ZCCHC7: variants seen among roughly 807,000 people sequenced by gnomAD.
ZCCHC7 encodes the protein zinc finger CCHC domain-containing protein 7.
Under a neutral mutation model 52.0 loss-of-function variants are expected in ZCCHC7, and 35 were observed. The observed-to-expected ratio is 0.67, with a 90% confidence interval of 0.51 to 0.89. The LOEUF is 0.89. Among genes scored for constraint, ZCCHC7 ranks in the 40% least tolerant of loss-of-function variants. The pLI is 0.00. For synonymous variants in ZCCHC7, 217 were observed against 221.5 expected, an observed-to-expected ratio of 0.98 and a Z score of 0.18; for missense variants, 574 against 649.1, an observed-to-expected ratio of 0.88 and a Z score of 1.26.
rs34360630 is a variant in ZCCHC7, at chr9:37,352,682, A to ATTT, written c.1084-2015_1084-2013dup. Among the ~76,000 whole-genome samples the ATTT allele has an allele frequency of 5.8e-5, 8 of 136,762 alleles. No individual in the cohort carries two copies. In the South Asian group the frequency reaches 1.6e-3, roughly 28 times the overall value. The allele number at this position is 136,762 out of a possible 152,430, so 89.7% of individuals were successfully genotyped here. A position where few individuals can be genotyped will look rare whatever the true frequency, so the allele number is the denominator to read the frequency against. On this transcript the variant is annotated intron_variant, in intron 7 of 8. Coordinates refer to ENST00000336755, the MANE Select transcript of ZCCHC7 (RefSeq NM_032226.3). ...CAGGCATGTGCCACCACACCTGGCT[A>ATTT]TTTTTTTTTTTTTTTGTATTTTTAG...
Position 37,151,404 on chromosome 9 carries a change from C to T in ZCCHC7, c.610+24462C>T, listed in dbSNP as rs185664887. On this transcript the variant is annotated intron_variant, in intron 2 of 8. Transcript: ENST00000336755. ...TTCATTTTACTTTGAGTTTTTTAGA[C>T]ATTAAAGCTGACACTGGAAAGGGTA... Among the ~76,000 whole-genome samples, 294 of 152,296 alleles carry T rather than the reference C, an allele frequency of 1.9e-3. 1 individual carries two copies. Among genetic ancestry groups the T allele is most frequent in the African/African-American group, 6.8e-3 (284 of 41,560 alleles).
chr9:37,230,809 A>G (rs1388091705), intron 2 of ZCCHC7, among the ~76,000 whole-genome samples: 1 of 152,076 alleles, frequency 6.6e-6, no homozygotes, highest in East Asian at 1.9e-4. Flanking sequence ...TTTTAATTAC[A>G]TAGTTGTGAT....
chr9:37,236,803 A>G (rs955888574), intron 2 of ZCCHC7, among the ~76,000 whole-genome samples: 1 of 152,156 alleles, frequency 6.6e-6, no homozygotes, highest in Non-Finnish European at 1.5e-5. Context: ...GGAAGGATGA[A>G]AAGCTAAGTT....
chr9:37,231,758 C>T (rs1588520543), intron 2 of ZCCHC7, among the ~76,000 whole-genome samples: 1 of 152,244 alleles, frequency 6.6e-6, no homozygotes, highest in African/African-American at 2.4e-5. Flanking sequence ...GCACATTTCA[C>T]CTACCCCAAG....
intron 2 of ZCCHC7, among the ~76,000 whole-genome samples, chr9:37,181,688 A>T (rs1490414098): frequency 6.6e-6 from 1 of 152,206 alleles, no homozygotes; most frequent in Non-Finnish European, 1.5e-5. Flanking sequence ...CAGGAAGTAG[A>T]TTAGTAGCTG....
chr9:37,158,883 C>T (rs924502078), intron 2 of ZCCHC7, among the ~76,000 whole-genome samples: 1 of 152,176 alleles, frequency 6.6e-6, no homozygotes, highest in African/African-American at 2.4e-5. Context: ...ATTTTTCTCT[C>T]TGTAGCATAT....
intron 2 of ZCCHC7, among the ~76,000 whole-genome samples, chr9:37,278,077 C>G (rs1387611635): frequency 1.3e-5 from 1 of 78,518 alleles, no homozygotes; most frequent in African/African-American, 4.5e-5. Flanking sequence ...AGGCAGGAGT[C>G]TCACTGTGTC....
At chr9:37,325,249 TTG>T (rs1017684507) in intron 5 of ZCCHC7, among the ~76,000 whole-genome samples, 3 of 152,202 alleles carry the variant, frequency 2.0e-5, no homozygotes, top group African/African-American at 7.2e-5. Context: ...ATGTTTTCAG[TTG>T]TGTGATTTGA....
chr9:37,325,481 A>G (rs1453628278), intron 5 of ZCCHC7, among the ~76,000 whole-genome samples: 3 of 152,202 alleles, frequency 2.0e-5, no homozygotes, highest in Admixed American at 6.5e-5. Context: ...TGCAATAGGT[A>G]TATAATTTTC....
At chr9:37,304,885 T>G (rs555525967) in intron 4 of ZCCHC7, among the ~76,000 whole-genome samples, 23 of 152,326 alleles carry the variant, frequency 1.5e-4, no homozygotes, top group Admixed American at 2.6e-4. Context: ...ATGAAAAGAT[T>G]GAATCAGATG....
At chr9:37,121,495 C>T (rs1842315103) in intron 1 of ZCCHC7, 1 of 152,106 alleles carries the variant, frequency 6.6e-6, no homozygotes, top group Non-Finnish European at 1.5e-5. Flanking sequence ...AAAATTTTTT[C>T]TAGGACCGTT....
chr9:37,156,545 A>T (rs1176062802), intron 2 of ZCCHC7, among the ~76,000 whole-genome samples: 1 of 152,232 alleles, frequency 6.6e-6, no homozygotes. Context: ...TCATAGCAGG[A>T]TAGCCCAAAT....
At chr9:37,337,336 T>C (rs1368345659) in intron 6 of ZCCHC7, among the ~76,000 whole-genome samples, 1 of 150,742 alleles carries the variant, frequency 6.6e-6, no homozygotes, top group Non-Finnish European at 1.5e-5. Context: ...GCTCGCCTGG[T>C]AATGACTGCT....
chr9:37,270,633 G>T (rs1328833645), intron 2 of ZCCHC7, among the ~76,000 whole-genome samples: 1 of 149,974 alleles, frequency 6.7e-6, no homozygotes, highest in Non-Finnish European at 1.5e-5. Context: ...AGTGAGCCAA[G>T]ATCGCGTCAC....
Position 37,354,625 on chromosome 9 carries a change from T to G in ZCCHC7, c.1084-85T>G. On this transcript the variant is annotated intron_variant, in intron 7 of 8. Coordinates refer to ENST00000336755, the MANE Select transcript of ZCCHC7 (RefSeq NM_032226.3). This position sits in a 1 kb window ranked among gnomAD's most constrained non-coding sequence, Gnocchi z 4.0. ...AGGTACCAGTGACATGGGGCTCATT[T>G]CTAATTAACATGCTCCAGAATCTTG... 4.2e-6 allele frequency: 4 copies of G among 950,994 alleles called. No homozygotes were observed. The highest frequency in any genetic ancestry group is 4.9e-6 in the Non-Finnish European group (3 of 615,324). 58.9% of individuals were successfully genotyped at this position (950,994 alleles called of 1,614,324 possible). A position where few individuals can be genotyped will look rare whatever the true frequency, so the allele number is the denominator to read the frequency against.
chr9:37,247,029 T>G (rs918022679), intron 2 of ZCCHC7, among the ~76,000 whole-genome samples: 2 of 152,164 alleles, frequency 1.3e-5, no homozygotes, highest in Non-Finnish European at 2.9e-5. Context: ...TATCTTTAAC[T>G]TATTCTTCCT....
At chr9:37,322,959 A>G (rs918494337) in intron 5 of ZCCHC7, among the ~76,000 whole-genome samples, 1 of 152,182 alleles carries the variant, frequency 6.6e-6, no homozygotes, top group Middle Eastern at 3.2e-3. Context: ...ACAATAGTTA[A>G]TACAGTGGAG....
intron 2 of ZCCHC7, among the ~76,000 whole-genome samples, chr9:37,247,848 C>T (rs2133381056): frequency 6.6e-6 from 1 of 152,096 alleles, no homozygotes; most frequent in South Asian, 2.1e-4. Context: ...CTGCAGTGAG[C>T]CATGATTGCA....
chr9:37,320,556 A>G (rs1333328196), intron 5 of ZCCHC7, among the ~76,000 whole-genome samples: 1 of 152,238 alleles, frequency 6.6e-6, no homozygotes, highest in Non-Finnish European at 1.5e-5. Flanking sequence ...TGAGTCTTCC[A>G]ATCCATGAAT....
Sources: gnomAD v4.1 joint callset for allele counts (sites outside exome capture counted in the v4.1 genomes callset) on GRCh38, gnomAD v4.1.1 for gene constraint, Gnocchi (gnomAD v3.1) non-coding constraint, MANE v1.5 for transcripts, NCBI Gene and HGNC (gene_info 2026-07-23, HGNC 2026-07-21) for gene names.